The following NR3C2 variants were observed in gnomAD, a reference collection of about 807,000 sequenced individuals.
NR3C2 encodes the protein nuclear receptor subfamily 3 group C member 2.
Under a neutral mutation model 86.4 loss-of-function variants are expected in NR3C2, and 15 were observed. The observed-to-expected ratio is 0.17, with a 90% CI of 0.12 to 0.27. The LOEUF (loss-of-function observed/expected upper bound fraction) is 0.27, where lower values mean the gene tolerates loss of function less well. NR3C2 is among the 10% of genes least tolerant of loss of function. The probability of loss-of-function intolerance (pLI) is 1.00; values close to 1 mark genes in which losing one functional copy is unlikely to be tolerated. For synonymous variants in NR3C2, 458 were observed against 450.5 expected, an observed-to-expected ratio of 1.02 and a Z score of -0.21; for missense variants, 960 against 1,195.6, an observed-to-expected ratio of 0.80 and a Z score of 2.91.
chr4:148,313,143 A>G (rs1742986263), intron 2 of NR3C2, among the ~76,000 whole-genome samples: 1 of 151,754 alleles, frequency 6.6e-6, no homozygotes, highest in South Asian at 2.1e-4. Flanking sequence ...TACCAGAGAA[A>G]GGAAACATCT....
chr4:148,183,270 C>T (rs982099177), intron 4 of NR3C2, among the ~76,000 whole-genome samples: 2 of 152,082 alleles, frequency 1.3e-5, no homozygotes, highest in South Asian at 4.2e-4. Context: ...TGAATAGTGC[C>T]GCAATAAACA....
At chr4:148,308,601 T>G (rs192801002) in intron 2 of NR3C2, among the ~76,000 whole-genome samples, 2 of 151,822 alleles carry the variant, frequency 1.3e-5, no homozygotes, top group Non-Finnish European at 2.9e-5. Context: ...AAGGGGGCAA[T>G]TGGGGAGAGA....
chr4:148,267,939 G>GT (rs71594257), intron 2 of NR3C2, among the ~76,000 whole-genome samples: 17,703 of 116,442 alleles, frequency 0.15, 1,460 homozygotes, highest in South Asian at 0.26. Flanking sequence ...GAGTCACAGT[G>GT]TTTTTTTTTT....
chr4:148,245,200 G>A (rs72653902), intron 3 of NR3C2, among the ~76,000 whole-genome samples: 9 of 152,226 alleles, frequency 5.9e-5, no homozygotes, highest in East Asian at 1.9e-4. Flanking sequence ...TGTGAACAGC[G>A]ATCATTTATT....
chr4:148,206,078 G>A (rs1736989582), intron 3 of NR3C2, among the ~76,000 whole-genome samples: 1 of 152,168 alleles, frequency 6.6e-6, no homozygotes, highest in South Asian at 2.1e-4. Flanking sequence ...GTTCACTCTA[G>A]TAGTTCAGTG....
intron 6 of NR3C2, among the ~76,000 whole-genome samples, chr4:148,130,185 T>C (rs964483746): frequency 4.6e-5 from 7 of 152,224 alleles, no homozygotes; most frequent in Non-Finnish European, 1.0e-4. Flanking sequence ...ACCTTTCTGA[T>C]ATAGTTTTGG....
At chr4:148,259,879 C>G in intron 3 of NR3C2, 99 bp downstream of exon 3, 10 of 1,467,274 alleles carry the variant, frequency 6.8e-6, no homozygotes, top group Non-Finnish European at 2.9e-6. Flanking sequence ...AATCAAAAAT[C>G]TTTTTGAAGA....
chr4:148,381,537 A>T (rs781746430), intron 2 of NR3C2, among the ~76,000 whole-genome samples: 29 of 152,204 alleles, frequency 1.9e-4, no homozygotes, highest in Non-Finnish European at 3.7e-4. Flanking sequence ...ACTCTCCCAT[A>T]TGACAAAATA....
intron 2 of NR3C2, among the ~76,000 whole-genome samples, chr4:148,334,720 T>C (rs1340509580): frequency 6.6e-6 from 1 of 152,212 alleles, no homozygotes; most frequent in Non-Finnish European, 1.5e-5. Flanking sequence ...CTTGAACTAG[T>C]GTATTAGTTT....
chr4:148,418,191 A>C (rs1248796361), intron 2 of NR3C2, among the ~76,000 whole-genome samples: 1 of 152,200 alleles, frequency 6.6e-6, no homozygotes, highest in East Asian at 1.9e-4. Context: ...ACAGTACATC[A>C]CTGTGCAGCC....
chr4:148,080,859 G>A lies in NR3C2; in HGVS notation c.*485C>T, dbSNP rs1227868003. The A allele has an allele frequency of 9.1e-6, 3 of 329,570 alleles. No homozygotes were observed. Among genetic ancestry groups the A allele is most frequent in the South Asian group, 5.9e-5 (3 of 50,960 alleles). The allele number at this position is 329,570 out of a possible 1,614,324, so 20.4% of individuals were successfully genotyped here. A position where few individuals can be genotyped will look rare whatever the true frequency, so the allele number is the denominator to read the frequency against. On this transcript the variant is annotated 3_prime_UTR_variant, in exon 9 of 9. Coordinates refer to ENST00000358102, the MANE Select transcript of NR3C2 (RefSeq NM_000901.5). ...TTCTGTTATTACACAACAGGAATCTGTATATATTTTTTTATTATTTTTTTG... is the reference window on the plus strand; with the variant it reads ...TTCTGTTATTACACAACAGGAATCTATATATATTTTTTTATTATTTTTTTG...
chr4:148,219,836 A>G (rs892225706), intron 3 of NR3C2, among the ~76,000 whole-genome samples: 1 of 152,266 alleles, frequency 6.6e-6, no homozygotes. Context: ...AGGAATTAAC[A>G]TACATTTTTA....
chr4:148,401,555 C>A (rs947081087), intron 2 of NR3C2, among the ~76,000 whole-genome samples: 2 of 151,122 alleles, frequency 1.3e-5, no homozygotes, highest in African/African-American at 4.9e-5. Flanking sequence ...GCTCTGCCTC[C>A]TGGGTTCACG....
intron 3 of NR3C2, among the ~76,000 whole-genome samples, chr4:148,241,152 A>C (rs1417249572): frequency 6.6e-6 from 1 of 151,694 alleles, no homozygotes; most frequent in Non-Finnish European, 1.5e-5. Context: ...CTAAAAATAC[A>C]AAAATTAGCT....
intron 2 of NR3C2, among the ~76,000 whole-genome samples, chr4:148,309,538 G>A (rs554274061): frequency 6.6e-6 from 1 of 150,978 alleles, no homozygotes; most frequent in South Asian, 2.1e-4. Context: ...ACATGCACAT[G>A]GATAAAAGAT....
chr4:148,225,975 C>T (rs1295675926), intron 3 of NR3C2, among the ~76,000 whole-genome samples: 1 of 152,082 alleles, frequency 6.6e-6, no homozygotes, highest in African/African-American at 2.4e-5. Flanking sequence ...ATCTGTAATG[C>T]ATAATATATT....
chr4:148,121,559 G>A (rs1732506069), intron 6 of NR3C2, among the ~76,000 whole-genome samples: 1 of 152,012 alleles, frequency 6.6e-6, no homozygotes, highest in South Asian at 2.1e-4. Context: ...CAGAGTTAAG[G>A]CCCACTCTGC....
At chr4:148,140,017 T>C (rs1733534256) in intron 6 of NR3C2, among the ~76,000 whole-genome samples, 1 of 152,210 alleles carries the variant, frequency 6.6e-6, no homozygotes, top group African/African-American at 2.4e-5. Context: ...CATTCAAGTG[T>C]GTTTCCCTTC....
intron 2 of NR3C2, among the ~76,000 whole-genome samples, chr4:148,315,363 T>G (rs1743116686): frequency 6.6e-6 from 1 of 152,178 alleles, no homozygotes. Flanking sequence ...TTAAGTTGTC[T>G]CAGTATTCCT....
Sources: allele counts gnomAD v4.1 joint callset (sites outside exome capture counted in the v4.1 genomes callset), GRCh38; gene constraint gnomAD v4.1.1; transcripts MANE v1.5; gene names NCBI Gene and HGNC (gene_info 2026-07-23, HGNC 2026-07-21).